Variants in ERICH2 observed in about 807,000 individuals in gnomAD.
ERICH2 encodes the protein glutamate-rich protein 2.
A neutral mutation model predicts 17.4 loss-of-function variants in ERICH2; 17 were observed. That is an observed-to-expected ratio of 0.98 (90% CI 0.67 to 1.47). The LOEUF is 1.47. Ranked by LOEUF, ERICH2 falls within the 40% of genes most tolerant of loss-of-function variation. ERICH2 has a pLI of 0.00. For missense variants in ERICH2, 186 were observed against 183.2 expected (o/e 1.01, Z -0.09); for synonymous variants, 51 against 61.1 (o/e 0.83, Z 0.77).
chr2:170,788,475 T>TTTTTA (rs113952737), intron 2 of ERICH2, among the ~76,000 whole-genome samples: 143,027 of 151,532 alleles, frequency 0.94, 68,068 homozygotes, highest in East Asian at 1. Context: ...CAATTTTTAA[T>TTTTTA]TTTTATTTTA....
chr2:170,781,116 T>G (rs1388101730), upstream of ERICH2, among the ~76,000 whole-genome samples: 2 of 152,164 alleles, frequency 1.3e-5, no homozygotes, highest in African/African-American at 4.8e-5. Flanking sequence ...GTATTAAGGA[T>G]GTAACAACCT....
upstream of ERICH2, among the ~76,000 whole-genome samples, chr2:170,781,351 G>T (rs896641919): frequency 6.6e-6 from 1 of 152,058 alleles, no homozygotes; most frequent in Non-Finnish European, 1.5e-5. Context: ...AAGAGACTTG[G>T]GGGGCTGGGC....
intron 2 of ERICH2, among the ~76,000 whole-genome samples, chr2:170,791,896 T>C (rs1701300048): frequency 6.6e-6 from 1 of 152,122 alleles, no homozygotes. Context: ...TGGGTATTTA[T>C]CAAATATCTG....
intron 3 of ERICH2, 39 bp from the exon 9 acceptor site, chr2:170,798,002 G>T (rs147170697): frequency 7.1e-7 from 1 of 1,410,510 alleles, no homozygotes; most frequent in African/African-American, 1.4e-5. Context: ...AACACTGAAC[G>T]TTAATAACAC....
the ERICH2 span, chr2:170,770,594 C>G: frequency 6.4e-6 from 1 of 155,238 alleles, no homozygotes; most frequent in African/African-American, 2.4e-5. Flanking sequence ...ACACCCATCT[C>G]TCCCAACTCA....
At chr2:170,796,239 C>T (rs4668319) in intron 3 of ERICH2, among the ~76,000 whole-genome samples, 3,088 of 152,224 alleles carry the variant, frequency 0.02, 124 homozygotes, top group Admixed American at 0.1. Context: ...TTACAGGATC[C>T]TTAAAAGCAG....
intron 3 of ERICH2, among the ~76,000 whole-genome samples, chr2:170,794,261 C>T (rs1701365366): frequency 6.6e-6 from 1 of 151,824 alleles, no homozygotes; most frequent in African/African-American, 2.4e-5. Context: ...CTTGTGCCAC[C>T]ATGCCTGGCT....
chr2:170,796,745 G>A (rs10048650), intron 3 of ERICH2, among the ~76,000 whole-genome samples: 143,336 of 152,114 alleles, frequency 0.94, 68,102 homozygotes, highest in East Asian at 1. Context: ...CCTCACAATT[G>A]TGTCTTACTT....
intron 3 of ERICH2, among the ~76,000 whole-genome samples, chr2:170,797,811 A>AAG (rs1553569268): frequency 5.8e-5 from 8 of 136,794 alleles, no homozygotes; most frequent in African/African-American, 1.1e-4. Context: ...AAAAAAAAAA[A>AAG]AAAGAAAGAA....
At chr2:170,796,963 C>G (rs1437005146) in intron 3 of ERICH2, among the ~76,000 whole-genome samples, 1 of 152,158 alleles carries the variant, frequency 6.6e-6, no homozygotes, top group East Asian at 1.9e-4. Flanking sequence ...GGGTATAAAT[C>G]TTTCTGGCCT....
chr2:170,775,456 A>C, the ERICH2 span, among the ~76,000 whole-genome samples: 1 of 152,074 alleles, frequency 6.6e-6, no homozygotes, highest in African/African-American at 2.4e-5. Context: ...ATTAATAAAT[A>C]TAAATGTGAT....
exon 5 of ERICH2, chr2:170,798,958 C>T (rs1701498192): frequency 6.6e-7 from 1 of 1,508,848 alleles, no homozygotes; most frequent in Admixed American, 2.1e-5. Flanking sequence ...AATATAAAGA[C>T]AAGTGACATT....
At chr2:170,780,717 CT>C (rs1701006874), upstream of ERICH2, among the ~76,000 whole-genome samples, 1 of 151,924 alleles carries the variant, frequency 6.6e-6, no homozygotes, top group Admixed American at 6.6e-5. Flanking sequence ...ATATATTTTT[CT>C]TTTTTAGTGT....
At chr2:170,784,582 T>C in intron 1 of ERICH2, 64 bp from the exon 7 acceptor site, 1 of 1,001,484 alleles carries the variant, frequency 1.0e-6, no homozygotes, top group Non-Finnish European at 1.4e-6. Context: ...TAATAGGATC[T>C]GGCAAAATTT....
upstream of ERICH2, among the ~76,000 whole-genome samples, chr2:170,779,257 T>C (rs139310335): frequency 2.0e-5 from 3 of 152,250 alleles, no homozygotes; most frequent in East Asian, 5.8e-4. Context: ...TCCATTCCGC[T>C]CTCCACCCTG....
upstream of ERICH2, among the ~76,000 whole-genome samples, chr2:170,779,144 T>C (rs930618365): frequency 2.0e-5 from 3 of 152,210 alleles, no homozygotes; most frequent in Admixed American, 2.0e-4. Flanking sequence ...GGGCTAGTTC[T>C]AGAGAAAAAT....
intron 3 of ERICH2, among the ~76,000 whole-genome samples, chr2:170,797,009 A>AGTCTATT (rs1701443146): frequency 6.6e-6 from 1 of 152,220 alleles, no homozygotes; most frequent in African/African-American, 2.4e-5. Flanking sequence ...AGCCTAAAAA[A>AGTCTATT]GTCTATTGTT....
upstream of ERICH2, among the ~76,000 whole-genome samples, chr2:170,780,644 A>G (rs1701004626): frequency 6.6e-6 from 1 of 152,258 alleles, no homozygotes; most frequent in South Asian, 2.1e-4. Flanking sequence ...ATTCTAAAGC[A>G]CACATTTTTT....
chr2:170,798,022 T>G lies in ERICH2; in HGVS notation c.275-19T>G, dbSNP rs1213711705. 6.6e-7 allele frequency: 1 copy of G among 1,520,312 alleles called. No homozygotes were observed. The highest frequency in any genetic ancestry group is 1.2e-5 in the South Asian group (1 of 83,362). 94.2% of individuals were successfully genotyped at this position (1,520,312 alleles called of 1,614,324 possible). A position where few individuals can be genotyped will look rare whatever the true frequency, so the allele number is the denominator to read the frequency against. The stretch of plus-strand genomic sequence containing the variant: ...TGAACGTTAATAACACACATTCTGT[T>G]GTCCATTTTCATTTTCAGTCCTAAT... On this transcript the variant is annotated intron_variant, in intron 3 of 4. Transcript: ENST00000409885.
Sources: gnomAD v4.1 joint callset for allele counts (sites outside exome capture counted in the v4.1 genomes callset) on GRCh38, gnomAD v4.1.1 for gene constraint, MANE v1.5 for transcripts, NCBI Gene and HGNC (gene_info 2026-07-23, HGNC 2026-07-21) for gene names.